Variants in WSB2 observed in about 807,000 individuals in gnomAD.
WSB2 encodes the protein WD repeat and SOCS box containing 2, also known as WD repeat and SOCS box-containing protein 2.
WSB2 carries 12 observed loss-of-function variants against 48.8 expected under a neutral mutation model. That is an observed-to-expected ratio of 0.25 (90% confidence interval 0.16 to 0.40). The LOEUF (loss-of-function observed/expected upper bound fraction) is 0.40. Among genes scored for constraint, WSB2 ranks in the 10% least tolerant of loss-of-function variants. The pLI, the probability that WSB2 is intolerant of heterozygous loss-of-function variation, is 1.00. For synonymous variants in WSB2, 191 were observed against 203.1 expected (o/e 0.94, Z 0.51); for missense variants, 317 against 506.2 (o/e 0.63, Z 3.59).
intron 6 of WSB2, chr12:118,035,968 T>C (rs1593461871): frequency 5.9e-6 from 1 of 168,424 alleles, no homozygotes; most frequent in Non-Finnish European, 1.3e-5. Context: ...TTTGGGAGAC[T>C]GAGGCGGTGG....
intron 2 of WSB2, among the ~76,000 whole-genome samples, chr12:118,044,851 C>T (rs939048882): frequency 6.6e-6 from 1 of 152,028 alleles, no homozygotes; most frequent in Non-Finnish European, 1.5e-5. Context: ...GTTAAACTGG[C>T]GGAAATGGAG....
At chr12:118,054,604 A>T (rs1260167588) in intron 1 of WSB2, among the ~76,000 whole-genome samples, 4 of 151,472 alleles carry the variant, frequency 2.6e-5, no homozygotes, top group Non-Finnish European at 4.4e-5. Flanking sequence ...CGGGAGGCGG[A>T]AGGCAGAGGT....
At chr12:118,057,677 A>T (rs1403914656) in intron 1 of WSB2, among the ~76,000 whole-genome samples, 2 of 152,192 alleles carry the variant, frequency 1.3e-5, no homozygotes, top group African/African-American at 4.8e-5. Flanking sequence ...GCTCATTACC[A>T]TATATGCATT....
chr12:118,052,810 A>T (rs1450630246), intron 1 of WSB2, among the ~76,000 whole-genome samples: 1 of 152,188 alleles, frequency 6.6e-6, no homozygotes, highest in African/African-American at 2.4e-5. Flanking sequence ...GACGGTGCTG[A>T]TTATGGGGCC....
In WSB2 at chr12:118,060,269, G is replaced by A. The variant is rs1198309974; in HGVS notation, c.13+767C>T. Among the ~76,000 whole-genome samples the A allele has an allele frequency of 6.6e-6, 1 of 152,198 alleles. No homozygotes were observed. The highest frequency in any genetic ancestry group is 1.9e-4 in the East Asian group (1 of 5,166). On this transcript the variant is annotated intron_variant, in intron 1 of 8. Transcript: ENST00000315436. This position sits in a 1 kb window ranked among gnomAD's most constrained non-coding sequence, Gnocchi z 4.1. ...TTTATGTTCATCTGGGCTGGCTTGA[G>A]GTATATCCAATATCCTCTGACTTCC...
At chr12:118,057,370 G>A (rs991912403) in intron 1 of WSB2, among the ~76,000 whole-genome samples, 4 of 151,960 alleles carry the variant, frequency 2.6e-5, no homozygotes, top group Non-Finnish European at 4.4e-5. Flanking sequence ...CGCCCCCTGG[G>A]TTCAAGTGAT....
intron 2 of WSB2, among the ~76,000 whole-genome samples, chr12:118,043,976 G>T (rs947375015): frequency 4.0e-5 from 6 of 151,816 alleles, no homozygotes; most frequent in Non-Finnish European, 7.4e-5. Context: ...ACAATTCGCC[G>T]GGCGTAGTGG....
At chr12:118,043,510 T>C in intron 2 of WSB2, 133 bp from the exon 3 acceptor site, 1 of 1,377,598 alleles carries the variant, frequency 7.3e-7, no homozygotes, top group Non-Finnish European at 9.7e-7. Context: ...AGTGACACAA[T>C]CATGGCTCAC....
At chr12:118,035,423 A>C in intron 6 of WSB2, 99 bp from the exon 7 acceptor site, 2 of 1,000,278 alleles carry the variant, frequency 2.0e-6, no homozygotes, top group Non-Finnish European at 3.1e-6. Context: ...CTGGCTACAA[A>C]AGGGCTCAAG....
Position 118,061,034 on chromosome 12 carries a change from A to G in WSB2, c.13+2T>C. 1.0e-6 allele frequency: 1 copy of G among 979,342 alleles called. No homozygotes were observed. The highest frequency in any genetic ancestry group is 1.2e-6 in the Non-Finnish European group (1 of 828,664). The allele number at this position is 979,342 out of a possible 1,614,324, so 60.7% of individuals were successfully genotyped here. On this transcript the variant is annotated splice_donor_variant, in intron 1 of 8. Coordinates refer to ENST00000315436, the MANE Select transcript of WSB2 (RefSeq NM_018639.5). LOFTEE classifies it high-confidence loss of function. ...GGAACGGGCGCGCCCGGCCCCACTC[A>G]CCTCCGGCCTCCATGGAGGACGCGA... is the stretch of plus-strand genomic sequence containing the variant.
chr12:118,061,018 G>A lies in WSB2; in HGVS notation c.13+18C>T, dbSNP rs971426857. ...AGGGCCCCGCCGGGCGGGAACGGGC[G>A]CGCCCGGCCCCACTCACCTCCGGCC... is the stretch of plus-strand genomic sequence containing the variant. On this transcript the variant is annotated intron_variant, in intron 1 of 8. Transcript: ENST00000315436. 3 of 981,666 alleles carry A rather than the reference G, an allele frequency of 3.1e-6. No homozygotes were observed. In the African/African-American group the frequency reaches 5.3e-5, roughly 17 times the overall value. The allele number at this position is 981,666 out of a possible 1,614,324, so 60.8% of individuals were successfully genotyped here.
chr12:118,057,814 G>GCTCA (rs2031985338), intron 1 of WSB2, among the ~76,000 whole-genome samples: 1 of 150,142 alleles, frequency 6.7e-6, no homozygotes, highest in Admixed American at 6.6e-5. Flanking sequence ...GGGTGCAGTG[G>GCTCA]CTGAATCACA....
chr12:118,048,681 G>GA (rs199674891), intron 2 of WSB2, among the ~76,000 whole-genome samples: 2 of 150,752 alleles, frequency 1.3e-5, no homozygotes, highest in South Asian at 4.2e-4. Flanking sequence ...TAATAAATAT[G>GA]AAAAAAAATG....
At chr12:118,048,414 C>T (rs2031785564) in intron 2 of WSB2, among the ~76,000 whole-genome samples, 1 of 151,910 alleles carries the variant, frequency 6.6e-6, no homozygotes, top group African/African-American at 2.4e-5. Flanking sequence ...ATGGTGAAAA[C>T]TTGTCTCTTC....
At chr12:118,048,505 G>A (rs2031787400) in intron 2 of WSB2, among the ~76,000 whole-genome samples, 1 of 151,120 alleles carries the variant, frequency 6.6e-6, no homozygotes, top group South Asian at 2.1e-4. Context: ...AGGACCACTT[G>A]AATCCAGGAG....
intron 2 of WSB2, among the ~76,000 whole-genome samples, chr12:118,048,231 A>G (rs1347208448): frequency 6.6e-6 from 1 of 150,688 alleles, no homozygotes; most frequent in South Asian, 2.1e-4. Flanking sequence ...ACCCGGCCAT[A>G]TAGCCTGTTT....
At chr12:118,053,991 T>C (rs2031902910) in intron 1 of WSB2, among the ~76,000 whole-genome samples, 1 of 152,080 alleles carries the variant, frequency 6.6e-6, no homozygotes, top group Non-Finnish European at 1.5e-5. Context: ...AGGTAGTATT[T>C]TTTTCTCAGT....
At chr12:118,034,574 G>GCGCTCTCTCTCTCTCTCTCTCT (rs1555267392) in intron 8 of WSB2, 3 of 528,462 alleles carry the variant, frequency 5.7e-6, no homozygotes, top group Admixed American at 3.8e-5. Context: ...ATACCAAAGC[G>GCGCTCTCTCTCTCTCTCTCTCT]CTCTCTCTGT....
At chr12:118,040,354 C>T (rs961609029) in intron 4 of WSB2, among the ~76,000 whole-genome samples, 2 of 152,150 alleles carry the variant, frequency 1.3e-5, no homozygotes, top group Non-Finnish European at 2.9e-5. Context: ...CACTCTTGGT[C>T]ACTCTCACTT....
Sources: gnomAD v4.1 joint callset for allele counts (sites outside exome capture counted in the v4.1 genomes callset) on GRCh38, gnomAD v4.1.1 for gene constraint, Gnocchi (gnomAD v3.1) non-coding constraint, MANE v1.5 for transcripts, NCBI Gene and HGNC (gene_info 2026-07-23, HGNC 2026-07-21) for gene names.